The following SNX29 variants were observed in gnomAD, a reference collection of about 807,000 sequenced individuals.
SNX29 encodes the protein sorting nexin 29, also known as sorting nexin-29.
In SNX29, 78 loss-of-function variants were observed where a neutral mutation model predicts 102.1. The ratio of observed to expected loss-of-function variants is 0.76; its 90% CI spans 0.64 to 0.92. The LOEUF (loss-of-function observed/expected upper bound fraction) is 0.92. SNX29 is among the 40% of genes least tolerant of loss of function. The probability of loss-of-function intolerance (pLI) is 0.00; values close to 1 mark genes in which losing one functional copy is unlikely to be tolerated. For synonymous variants in SNX29, 580 were observed against 414.5 expected (o/e 1.40, Z -4.85); for missense variants, 1,280 against 1,061.7 (o/e 1.21, Z -2.86).
At chr16:12,419,047 G>A (rs2084766297) in intron 18 of SNX29, among the ~76,000 whole-genome samples, 1 of 152,158 alleles carries the variant, frequency 6.6e-6, no homozygotes, top group African/African-American at 2.4e-5. Flanking sequence ...ACAGTGCACA[G>A]GACATCCCTC....
intron 9 of SNX29, among the ~76,000 whole-genome samples, chr16:12,067,361 A>G (rs544291279): frequency 6.6e-6 from 1 of 152,114 alleles, no homozygotes; most frequent in African/African-American, 2.4e-5. Flanking sequence ...GAGTAAGCCA[A>G]GCAAAGATGG....
intron 20 of SNX29, among the ~76,000 whole-genome samples, chr16:12,529,988 C>T (rs2076888779): frequency 2.0e-5 from 3 of 152,146 alleles, no homozygotes; most frequent in Admixed American, 6.5e-5. Flanking sequence ...AAGCTGCAGG[C>T]ATATTGGTTA....
At chr16:12,119,427 T>G (rs1299875266) in intron 11 of SNX29, among the ~76,000 whole-genome samples, 5 of 152,220 alleles carry the variant, frequency 3.3e-5, no homozygotes, top group Admixed American at 3.3e-4. Flanking sequence ...ATCTAGAACC[T>G]TATCAAGATT....
Position 12,573,936 on chromosome 16 carries a change from CTT to C in SNX29, c.*5312_*5313del, listed in dbSNP as rs1302919683. The C allele has an allele frequency of 1.0e-5, 2 of 200,838 alleles. No individual in the cohort carries two copies. Among genetic ancestry groups the C allele is most frequent in the East Asian group, 1.5e-4 (2 of 13,134 alleles). The allele number at this position is 200,838 out of a possible 1,614,324, so 12.4% of individuals were successfully genotyped here. On this transcript the variant is annotated 3_prime_UTR_variant, in exon 21 of 21. Coordinates refer to ENST00000566228, the MANE Select transcript of SNX29 (RefSeq NM_032167.5). ...ACACCGACTTCTTAGAGAAGCGAGT[CTT>C]TTTTGAATGGAGGAGCGATGGTAAC...
At chr16:12,339,944 C>T (rs1186847782) in intron 15 of SNX29, among the ~76,000 whole-genome samples, 1 of 152,056 alleles carries the variant, frequency 6.6e-6, no homozygotes, top group African/African-American at 2.4e-5. Context: ...GAGGTGGTTT[C>T]TTAAGAAAAA....
intron 14 of SNX29, among the ~76,000 whole-genome samples, chr16:12,275,205 A>G (rs554874716): frequency 3.3e-5 from 5 of 152,146 alleles, no homozygotes; most frequent in South Asian, 2.1e-4. Context: ...CTGGTCTCCA[A>G]AGTTTTTTTA....
chr16:12,008,510 C>T (rs931422804), intron 3 of SNX29, among the ~76,000 whole-genome samples: 1 of 151,942 alleles, frequency 6.6e-6, no homozygotes, highest in East Asian at 1.9e-4. Context: ...CTCAGGTGAT[C>T]CTCCCGCCTC....
At chr16:11,999,531 G>T (rs4461090) in intron 2 of SNX29, among the ~76,000 whole-genome samples, 173 bp downstream of exon 2, 1,668 of 152,308 alleles carry the variant, frequency 0.011, 20 homozygotes, top group African/African-American at 0.038. Context: ...CACGGTCAAG[G>T]TTGGGTTGGA....
intron 13 of SNX29, among the ~76,000 whole-genome samples, chr16:12,186,102 T>A (rs2076503254): frequency 6.6e-6 from 1 of 152,208 alleles, no homozygotes; most frequent in Non-Finnish European, 1.5e-5. Flanking sequence ...CAAATGTTCT[T>A]GGCTTTATAG....
At chr16:12,130,684 A>G (rs1201809630) in intron 13 of SNX29, among the ~76,000 whole-genome samples, 1 of 151,920 alleles carries the variant, frequency 6.6e-6, no homozygotes, top group African/African-American at 2.4e-5. Context: ...TTCCCTGTAC[A>G]CACAAGCAGA....
At chr16:12,219,404 C>T (rs979573662) in intron 14 of SNX29, among the ~76,000 whole-genome samples, 5 of 152,078 alleles carry the variant, frequency 3.3e-5, no homozygotes, top group Non-Finnish European at 7.4e-5. Context: ...AATACTTAAC[C>T]TTTATTACGT....
chr16:12,219,408 A>G (rs2077416388), intron 14 of SNX29, among the ~76,000 whole-genome samples: 1 of 152,098 alleles, frequency 6.6e-6, no homozygotes, highest in Non-Finnish European at 1.5e-5. Context: ...CTTAACCTTT[A>G]TTACGTGCAG....
chr16:12,557,187 G>C (rs7186299), intron 20 of SNX29: 29,610 of 152,074 alleles, frequency 0.19, 3,080 homozygotes, highest in East Asian at 0.43. Context: ...TAGATATACT[G>C]ACTCCAGGGC....
rs571654243 is a variant in SNX29, at chr16:12,459,281, C to T, written c.2038-18438C>T. On this transcript the variant is annotated intron_variant, in intron 18 of 20. Transcript: ENST00000566228. ...AGCTCTGAGCTTAGATCCTCACAGG[C>T]CAAGAAATGTGGCTATGAAACCCCT... Among the ~76,000 whole-genome samples, 9 of 151,988 alleles carry T rather than the reference C, an allele frequency of 5.9e-5. No homozygotes were observed. In the South Asian group the frequency reaches 1.9e-3, roughly 32 times the overall value.
intron 14 of SNX29, among the ~76,000 whole-genome samples, chr16:12,231,987 C>T (rs2077784356): frequency 6.6e-6 from 1 of 152,168 alleles, no homozygotes. Context: ...GACTTGGTAT[C>T]AATAAAGATG....
chr16:12,468,637 G>T (rs1019963090), intron 18 of SNX29, among the ~76,000 whole-genome samples: 8 of 152,042 alleles, frequency 5.3e-5, no homozygotes, highest in Non-Finnish European at 1.2e-4. Context: ...GGTCCCCAAG[G>T]ACTGAGCCCT....
intron 14 of SNX29, among the ~76,000 whole-genome samples, chr16:12,257,501 A>ATCTC (rs111505982): frequency 0.59 from 87,971 of 149,844 alleles, 26,097 homozygotes; most frequent in Middle Eastern, 0.66. Context: ...TACCACTAGC[A>ATCTC]TCTCTCTCTC....
chr16:12,217,877 C>G (rs532371008), intron 14 of SNX29, among the ~76,000 whole-genome samples: 1 of 152,324 alleles, frequency 6.6e-6, no homozygotes, highest in African/African-American at 2.4e-5. Flanking sequence ...GCCTGGCTTA[C>G]TGAACAGTAG....
At chr16:12,554,999 C>A (rs1003072960) in intron 20 of SNX29, among the ~76,000 whole-genome samples, 1 of 151,990 alleles carries the variant, frequency 6.6e-6, no homozygotes, top group African/African-American at 2.4e-5. Context: ...ACCTTTCTTT[C>A]TTGCAGAGGC....
Sources: gnomAD v4.1 joint callset for allele counts (sites outside exome capture counted in the v4.1 genomes callset) on GRCh38, gnomAD v4.1.1 for gene constraint, MANE v1.5 for transcripts, NCBI Gene and HGNC (gene_info 2026-07-23, HGNC 2026-07-21) for gene names.